Variants in TNFSF4 observed in about 807,000 individuals in gnomAD.
TNFSF4 encodes TNF superfamily member 4, also known as tumor necrosis factor ligand superfamily member 4.
In TNFSF4, 4 loss-of-function variants were observed where a neutral mutation model predicts 7.3. That is an observed-to-expected ratio of 0.55 (90% CI 0.27 to 1.25). The LOEUF (loss-of-function observed/expected upper bound fraction) is 1.25, where lower values mean the gene tolerates loss of function less well. Among genes scored for constraint, TNFSF4 ranks in the 50% most tolerant of loss-of-function variants. The pLI, the probability that TNFSF4 is intolerant of heterozygous loss-of-function variation, is 0.12. For missense variants in TNFSF4, 181 were observed against 208.8 expected (o/e 0.87, Z 0.82); for synonymous variants, 76 against 83.7 (o/e 0.91, Z 0.50).
the TNFSF4 span, among the ~76,000 whole-genome samples, chr1:173,345,294 A>G: frequency 6.6e-6 from 1 of 152,248 alleles, no homozygotes; most frequent in Non-Finnish European, 1.5e-5. Context: ...TTATTAGTCC[A>G]GTGGAAAAGT....
the TNFSF4 span, among the ~76,000 whole-genome samples, chr1:173,412,117 GAAA>G: frequency 3.3e-5 from 4 of 120,470 alleles, no homozygotes; most frequent in African/African-American, 1.0e-4. Flanking sequence ...TCCATCTCAA[GAAA>G]AAAAAAAAAA....
chr1:173,395,011 G>A, the TNFSF4 span, among the ~76,000 whole-genome samples: 1 of 127,566 alleles, frequency 7.8e-6, no homozygotes, highest in South Asian at 2.6e-4. Context: ...TAGATAGATA[G>A]ATAGATAGAT....
At chr1:173,279,516 A>C in the TNFSF4 span, among the ~76,000 whole-genome samples, 1 of 152,086 alleles carries the variant, frequency 6.6e-6, no homozygotes, top group Non-Finnish European at 1.5e-5. Context: ...TGCCTCTGGT[A>C]AGCTCCACTT....
At chr1:173,409,422 T>C in the TNFSF4 span, among the ~76,000 whole-genome samples, 4 of 152,194 alleles carry the variant, frequency 2.6e-5, no homozygotes, top group East Asian at 5.8e-4. Context: ...TATTTTTATA[T>C]AGAAGAATGT....
chr1:173,278,697 T>C, the TNFSF4 span, among the ~76,000 whole-genome samples: 1 of 152,008 alleles, frequency 6.6e-6, no homozygotes, highest in Non-Finnish European at 1.5e-5. Context: ...GTTTCAAAAT[T>C]AATTAGAGGA....
At chr1:173,438,491 T>C in the TNFSF4 span, among the ~76,000 whole-genome samples, 1 of 152,186 alleles carries the variant, frequency 6.6e-6, no homozygotes, top group South Asian at 2.1e-4. Context: ...CAGCTGATTG[T>C]ATTTTTTTCT....
the TNFSF4 span, among the ~76,000 whole-genome samples, chr1:173,417,220 C>A: frequency 6.6e-6 from 1 of 152,224 alleles, no homozygotes; most frequent in South Asian, 2.1e-4. Flanking sequence ...CCGAGCCCCA[C>A]TGATTATCAG....
chr1:173,396,787 T>C, the TNFSF4 span, among the ~76,000 whole-genome samples: 1 of 152,196 alleles, frequency 6.6e-6, no homozygotes, highest in African/African-American at 2.4e-5. Context: ...GATTTGTCAT[T>C]TAAGGCCTGC....
the TNFSF4 span, among the ~76,000 whole-genome samples, chr1:173,259,722 A>G: frequency 6.6e-6 from 1 of 152,218 alleles, no homozygotes; most frequent in African/African-American, 2.4e-5. Flanking sequence ...AGCCAAATAG[A>G]CCAAGCGGAG....
At chr1:173,308,285 C>CTCTCTCTCTGTGTGTGTG in the TNFSF4 span, among the ~76,000 whole-genome samples, 6 of 135,124 alleles carry the variant, frequency 4.4e-5, no homozygotes, top group African/African-American at 1.7e-4. Flanking sequence ...CTCTCTCTCT[C>CTCTCTCTCTGTGTGTGTG]TGTGTGTGTG....
the TNFSF4 span, among the ~76,000 whole-genome samples, chr1:173,395,937 G>C: frequency 6.6e-6 from 1 of 152,024 alleles, no homozygotes; most frequent in Non-Finnish European, 1.5e-5. Context: ...AGTGGGAGTG[G>C]CCTCTCCACC....
the TNFSF4 span, among the ~76,000 whole-genome samples, chr1:173,372,307 C>A: frequency 6.6e-6 from 1 of 152,150 alleles, no homozygotes; most frequent in African/African-American, 2.4e-5. Context: ...CCACTCCATA[C>A]TCTAATCAAG....
the TNFSF4 span, among the ~76,000 whole-genome samples, chr1:173,384,072 G>A: frequency 1.3e-5 from 2 of 152,144 alleles, no homozygotes; most frequent in African/African-American, 4.8e-5. Flanking sequence ...AGTAGAAAAC[G>A]AGTTGATGCA....
At chr1:173,278,801 G>A in the TNFSF4 span, among the ~76,000 whole-genome samples, 2 of 152,016 alleles carry the variant, frequency 1.3e-5, no homozygotes, top group African/African-American at 2.4e-5. Flanking sequence ...ATATGATTTA[G>A]CCAATTAATC....
At chr1:173,418,978 TAATTAA>T in the TNFSF4 span, among the ~76,000 whole-genome samples, 1 of 152,186 alleles carries the variant, frequency 6.6e-6, no homozygotes, top group South Asian at 2.1e-4. Flanking sequence ...CTTTGAGAGG[TAATTAA>T]GATTAAATAA....
At chr1:173,259,809 G>C in the TNFSF4 span, among the ~76,000 whole-genome samples, 2 of 152,054 alleles carry the variant, frequency 1.3e-5, no homozygotes, top group African/African-American at 4.8e-5. Flanking sequence ...AGAATGAAAA[G>C]GAATGAACAA....
At chr1:173,446,761 G>A in the TNFSF4 span, among the ~76,000 whole-genome samples, 1 of 152,172 alleles carries the variant, frequency 6.6e-6, no homozygotes, top group African/African-American at 2.4e-5. Context: ...AAGTTCTTCA[G>A]CTTTTGGACT....
chr1:173,440,990 T>A, the TNFSF4 span, among the ~76,000 whole-genome samples: 1 of 152,228 alleles, frequency 6.6e-6, no homozygotes, highest in Non-Finnish European at 1.5e-5. Context: ...ATATTCTGAT[T>A]GTCAAAAATA....
the TNFSF4 span, among the ~76,000 whole-genome samples, chr1:173,439,564 C>T: frequency 6.6e-6 from 1 of 152,150 alleles, no homozygotes; most frequent in African/African-American, 2.4e-5. Flanking sequence ...TGGCCTCAAT[C>T]CTGCTATCCC....
Sources: gnomAD v4.1 joint callset for allele counts (sites outside exome capture counted in the v4.1 genomes callset) on GRCh38, gnomAD v4.1.1 for gene constraint, MANE v1.5 for transcripts, NCBI Gene and HGNC (gene_info 2026-07-23, HGNC 2026-07-21) for gene names.